The following ANO4 variants were observed in gnomAD, a reference collection of about 807,000 sequenced individuals.
ANO4 encodes the protein anoctamin 4, also known as anoctamin-4.
In ANO4, 69 loss-of-function variants were observed where a neutral mutation model predicts 141.9. The observed-to-expected ratio is 0.49, with a 90% CI of 0.40 to 0.59. ANO4 has a LOEUF of 0.59. ANO4 is among the 20% of genes least tolerant of loss of function. The probability of loss-of-function intolerance (pLI) is 0.00; values close to 1 mark genes in which losing one functional copy is unlikely to be tolerated. For synonymous variants in ANO4, 350 were observed against 394.3 expected, an observed-to-expected ratio of 0.89 and a Z score of 1.33; for missense variants, 894 against 1,162.2, an observed-to-expected ratio of 0.77 and a Z score of 3.36.
chr12:100,787,931 T>C (rs759325502), intron 3 of ANO4, among the ~76,000 whole-genome samples: 1 of 152,224 alleles, frequency 6.6e-6, no homozygotes, highest in African/African-American at 2.4e-5. Context: ...AAAACAAAGC[T>C]AGCTGTTTCC....
In ANO4 at chr12:100,811,940, C is replaced by G. The variant is rs112413293; in HGVS notation, c.-141+16913C>G. ...ACTAACTGGCCCCTGTTTTGTATAA[C>G]CTTATACAGACTTATGTCATAGTGC... On this transcript the variant is annotated intron_variant, in intron 1 of 27. Transcript: ENST00000392977. Among the ~76,000 whole-genome samples, 1,301 of 152,188 alleles carry G rather than the reference C, an allele frequency of 8.5e-3. 20 individuals are homozygous for G. The highest frequency in any genetic ancestry group is 0.03 in the African/African-American group (1,225 of 41,524).
chr12:100,885,479 G>A (rs1343312000), intron 1 of ANO4: 1 of 152,250 alleles, frequency 6.6e-6, no homozygotes, highest in East Asian at 1.9e-4. Flanking sequence ...CTTCTGCTGA[G>A]AGCAGTATTG....
chr12:100,724,495 T>C (rs1007399289), intron 1 of ANO4, among the ~76,000 whole-genome samples: 1 of 152,226 alleles, frequency 6.6e-6, no homozygotes, highest in Non-Finnish European at 1.5e-5. Flanking sequence ...CTCTCCTGCC[T>C]GTCTTCTAGT....
At chr12:100,841,622 G>A (rs2135812116) in intron 1 of ANO4, among the ~76,000 whole-genome samples, 1 of 152,276 alleles carries the variant, frequency 6.6e-6, no homozygotes, top group East Asian at 1.9e-4. Context: ...GGGAGCATAG[G>A]AAGATCCAGG....
At position 101,077,425 on chromosome 12, in the gene ANO4, G is replaced by A. The variant is rs551184130; in HGVS notation, c.1313-1768G>A. On this transcript the variant is annotated intron_variant, in intron 14 of 27. Transcript: ENST00000392977. ...TGAATCTTCCTAGTAAATCAAACCT[G>A]GGGATGGTCTTGGGGATTCCTGAGA... Among the ~76,000 whole-genome samples, 117 of 152,270 alleles carry A rather than the reference G, an allele frequency of 7.7e-4. 1 individual carries two copies. Among genetic ancestry groups the A allele is most frequent in the Non-Finnish European group, 1.4e-3 (94 of 68,022 alleles).
At chr12:100,984,688 G>A (rs933124572) in intron 7 of ANO4, among the ~76,000 whole-genome samples, 1 of 152,144 alleles carries the variant, frequency 6.6e-6, no homozygotes, top group South Asian at 2.1e-4. Flanking sequence ...CAGCTGAGGC[G>A]CAAGAGAGCC....
intron 8 of ANO4, among the ~76,000 whole-genome samples, chr12:100,992,778 C>A (rs1275977293): frequency 1.3e-5 from 2 of 152,202 alleles, no homozygotes; most frequent in East Asian, 3.8e-4. Flanking sequence ...GCACACAATG[C>A]TGGTCTTCTA....
chr12:100,779,462 G>C (rs1056116494), intron 3 of ANO4, among the ~76,000 whole-genome samples: 3 of 152,176 alleles, frequency 2.0e-5, no homozygotes, highest in African/African-American at 4.8e-5. Context: ...TTGCTTCTTG[G>C]CAATTTCTTT....
At chr12:100,928,041 C>G (rs1236472645) in intron 3 of ANO4, among the ~76,000 whole-genome samples, 3 of 151,988 alleles carry the variant, frequency 2.0e-5, no homozygotes, top group Admixed American at 6.6e-5. Context: ...GCTGAGGAGA[C>G]TGAGTCATTT....
At chr12:101,026,770 A>T (rs941860604) in intron 9 of ANO4, among the ~76,000 whole-genome samples, 5 of 152,346 alleles carry the variant, frequency 3.3e-5, no homozygotes, top group Admixed American at 2.0e-4. Flanking sequence ...TGTAAAATTT[A>T]AAACCATAAA....
At chr12:100,836,232 G>A (rs982814820) in intron 1 of ANO4, among the ~76,000 whole-genome samples, 1 of 152,108 alleles carries the variant, frequency 6.6e-6, no homozygotes, top group Non-Finnish European at 1.5e-5. Flanking sequence ...AGAAAATCTA[G>A]TAAAAGTTTG....
intron 8 of ANO4, among the ~76,000 whole-genome samples, chr12:100,991,878 A>G (rs1382540939): frequency 5.9e-5 from 9 of 152,114 alleles, no homozygotes; most frequent in Non-Finnish European, 1.2e-4. Context: ...CTGACTGCAC[A>G]CTCATCTCAA....
At chr12:100,851,253 A>G (rs777791397) in intron 1 of ANO4, among the ~76,000 whole-genome samples, 1 of 152,150 alleles carries the variant, frequency 6.6e-6, no homozygotes, top group Non-Finnish European at 1.5e-5. Flanking sequence ...ATGCACAATT[A>G]TATCTTCTTG....
At chr12:100,787,375 G>GT (rs569403235) in intron 3 of ANO4, among the ~76,000 whole-genome samples, 260 of 152,306 alleles carry the variant, frequency 1.7e-3, no homozygotes, top group African/African-American at 5.5e-3. Flanking sequence ...AGCTTGGTGA[G>GT]TTTTGCAACT....
At chr12:100,737,240 CT>C (rs1016308156) in intron 2 of ANO4, among the ~76,000 whole-genome samples, 7 of 152,196 alleles carry the variant, frequency 4.6e-5, no homozygotes, top group Non-Finnish European at 1.0e-4. Flanking sequence ...GCCTTCTCCC[CT>C]GTGCCTTCCT....
intron 1 of ANO4, among the ~76,000 whole-genome samples, chr12:100,724,481 G>T (rs574342941): frequency 6.6e-6 from 1 of 152,166 alleles, no homozygotes; most frequent in Non-Finnish European, 1.5e-5. Context: ...ACTTCAACTA[G>T]TATCTCTCCT....
chr12:101,056,608 A>T (rs2048129241), intron 14 of ANO4, among the ~76,000 whole-genome samples: 1 of 151,960 alleles, frequency 6.6e-6, no homozygotes, highest in African/African-American at 2.4e-5. Flanking sequence ...ACTGGTTAGG[A>T]CCTCCAGAAT....
chr12:100,804,952 T>C (rs1223314380), intron 1 of ANO4, among the ~76,000 whole-genome samples: 1 of 152,212 alleles, frequency 6.6e-6, no homozygotes, highest in East Asian at 1.9e-4. Context: ...GTTATTTAGT[T>C]TAATTAGATC....
At chr12:101,073,531 C>A (rs2048905066) in intron 14 of ANO4, among the ~76,000 whole-genome samples, 1 of 150,518 alleles carries the variant, frequency 6.6e-6, no homozygotes, top group Non-Finnish European at 1.5e-5. Context: ...TGTAACAAAT[C>A]TGCACGTTGT....
Sources: gnomAD v4.1 joint callset for allele counts (sites outside exome capture counted in the v4.1 genomes callset) on GRCh38, gnomAD v4.1.1 for gene constraint, MANE v1.5 for transcripts, NCBI Gene and HGNC (gene_info 2026-07-23, HGNC 2026-07-21) for gene names.